The following SPIDR variants were observed in gnomAD, a reference collection of about 807,000 sequenced individuals.
SPIDR encodes DNA repair-scaffolding protein.
SPIDR carries 93 observed loss-of-function variants against 104.6 expected under a neutral mutation model. The observed-to-expected ratio is 0.89, with a 90% CI of 0.75 to 1.06. The LOEUF is 1.06. SPIDR is among the 50% of genes least tolerant of loss of function. The pLI is 0.00. For missense variants in SPIDR, 1,154 were observed against 1,111.2 expected (o/e 1.04, Z -0.55); for synonymous variants, 431 against 416.9 (o/e 1.03, Z -0.41).
Position 47,735,529 on chromosome 8 carries a change from G to C in SPIDR, c.*79G>C. 2 of 1,604,044 alleles carry C rather than the reference G, an allele frequency of 1.2e-6. No individual in the cohort carries two copies. Among genetic ancestry groups the C allele is most frequent in the Non-Finnish European group, 1.7e-6 (2 of 1,174,988 alleles). On this transcript the variant is annotated 3_prime_UTR_variant, in exon 20 of 20. Transcript: ENST00000297423. ...TGGTGGTGATTTGGGGTAGTTATTT[G>C]TTAACTATGGACACAGTGAACGTAG...
chr8:47,359,326 C>G (rs2055255141), intron 5 of SPIDR, among the ~76,000 whole-genome samples: 1 of 151,316 alleles, frequency 6.6e-6, no homozygotes, highest in Non-Finnish European at 1.5e-5. Context: ...TTGGCACATT[C>G]GATGAAAGTT....
intron 8 of SPIDR, among the ~76,000 whole-genome samples, chr8:47,572,209 A>G (rs1294972189): frequency 6.6e-6 from 1 of 152,202 alleles, no homozygotes; most frequent in Admixed American, 6.5e-5. Flanking sequence ...GTTTATTTTG[A>G]TAAAGGTAAC....
intron 5 of SPIDR, among the ~76,000 whole-genome samples, chr8:47,377,465 C>G (rs1195940510): frequency 6.6e-6 from 1 of 152,174 alleles, no homozygotes; most frequent in Non-Finnish European, 1.5e-5. Context: ...GCACAAGCCT[C>G]CAAGTGTCCA....
intron 1 of SPIDR, among the ~76,000 whole-genome samples, chr8:47,274,399 A>C (rs2035945338): frequency 6.6e-6 from 1 of 152,152 alleles, no homozygotes; most frequent in Non-Finnish European, 1.5e-5. Context: ...TACTAGTCAG[A>C]TAAGATGTCT....
chr8:47,362,653 T>G (rs972371553), intron 5 of SPIDR, among the ~76,000 whole-genome samples: 1 of 146,508 alleles, frequency 6.8e-6, no homozygotes, highest in Admixed American at 6.7e-5. Context: ...TTTGTTGGTT[T>G]GTTTTGTTTT....
At chr8:47,664,738 C>T (rs1359196583) in intron 10 of SPIDR, among the ~76,000 whole-genome samples, 1 of 103,544 alleles carries the variant, frequency 9.7e-6, no homozygotes, top group African/African-American at 3.3e-5. Context: ...AAAACCCCAT[C>T]TCTACAAAAA....
chr8:47,275,271 A>G (rs1443687137), intron 1 of SPIDR, among the ~76,000 whole-genome samples: 1 of 152,096 alleles, frequency 6.6e-6, no homozygotes. Flanking sequence ...AAAAAAAAGA[A>G]AAAAGAAAAT....
intron 5 of SPIDR, among the ~76,000 whole-genome samples, chr8:47,376,191 G>T (rs2058647102): frequency 6.6e-6 from 1 of 152,184 alleles, no homozygotes; most frequent in East Asian, 1.9e-4. Flanking sequence ...AGAGCAAAAA[G>T]ATTATTTATT....
intron 8 of SPIDR, among the ~76,000 whole-genome samples, chr8:47,587,803 TAA>T (rs150378782): frequency 6.8e-6 from 1 of 146,404 alleles, no homozygotes; most frequent in Non-Finnish European, 1.5e-5. Flanking sequence ...GAGATCAATT[TAA>T]AAAAAAAATC....
chr8:47,710,266 TTTGTTCATAACCCCAATAG>T (rs1290093018), intron 14 of SPIDR, among the ~76,000 whole-genome samples: 1 of 152,180 alleles, frequency 6.6e-6, no homozygotes, highest in East Asian at 1.9e-4. Flanking sequence ...TGTTACTGAC[TTTGTTCATAACCCCAATAG>T]TAGAGATAAT....
At chr8:47,531,503 T>C (rs1204699320) in intron 8 of SPIDR, among the ~76,000 whole-genome samples, 1 of 152,252 alleles carries the variant, frequency 6.6e-6, no homozygotes, top group Non-Finnish European at 1.5e-5. Context: ...AAGCAGAGAA[T>C]ACACCGTGAA....
chr8:47,685,905 C>G (rs534734385), intron 11 of SPIDR, among the ~76,000 whole-genome samples: 1 of 151,634 alleles, frequency 6.6e-6, no homozygotes, highest in South Asian at 2.1e-4. Flanking sequence ...ACCTGTAATC[C>G]CAGCACTTTG....
intron 5 of SPIDR, among the ~76,000 whole-genome samples, chr8:47,299,998 A>G (rs2041742626): frequency 1.3e-5 from 2 of 152,098 alleles, no homozygotes; most frequent in African/African-American, 2.4e-5. Flanking sequence ...CTCTTTTTCT[A>G]TTCATTGGAA....
intron 10 of SPIDR, among the ~76,000 whole-genome samples, chr8:47,636,876 C>G (rs2154445111): frequency 6.6e-6 from 1 of 151,348 alleles, no homozygotes; most frequent in Non-Finnish European, 1.5e-5. Context: ...TTACTAGTGA[C>G]AGAACAGTAA....
chr8:47,572,671 T>A (rs889579757), intron 8 of SPIDR, among the ~76,000 whole-genome samples: 3 of 63,368 alleles, frequency 4.7e-5, no homozygotes, highest in East Asian at 8.1e-4. Context: ...CAAAATTAAA[T>A]TAAAATAAAT....
At chr8:47,565,068 G>A (rs753328123) in intron 8 of SPIDR, among the ~76,000 whole-genome samples, 1 of 151,984 alleles carries the variant, frequency 6.6e-6, no homozygotes, top group Non-Finnish European at 1.5e-5. Flanking sequence ...CCAACATGGA[G>A]AAACCCCATC....
intron 11 of SPIDR, among the ~76,000 whole-genome samples, chr8:47,696,489 T>C (rs962997837): frequency 1.3e-5 from 2 of 152,238 alleles, no homozygotes; most frequent in Non-Finnish European, 2.9e-5. Context: ...TTAAAGTTAA[T>C]GGCTCTGTCT....
rs573469652 is a variant in SPIDR at position 47,381,151 on chromosome 8, A to G, written c.526-15225A>G. 9.8e-5 allele frequency among the ~76,000 whole-genome samples: 15 copies of G among 152,302 alleles called. No homozygotes were observed. The South Asian group carries it at 2.9e-3, about 29-fold the overall frequency. On this transcript the variant is annotated intron_variant, in intron 5 of 19. Coordinates refer to ENST00000297423, the MANE Select transcript of SPIDR (RefSeq NM_001080394.4). The stretch of plus-strand genomic sequence containing the variant: ...GCACTGGGGTAATAGACCTGTGGAT[A>G]AAGACTTTGGGTCCCTCCCTCCTTC...
intron 16 of SPIDR, among the ~76,000 whole-genome samples, chr8:47,715,968 T>C (rs1017540947): frequency 2.0e-5 from 3 of 148,486 alleles, no homozygotes; most frequent in Non-Finnish European, 3.0e-5. Flanking sequence ...TTTTTTCTTT[T>C]TTTTTTTTTT....
Sources: allele counts gnomAD v4.1 joint callset (sites outside exome capture counted in the v4.1 genomes callset), GRCh38; gene constraint gnomAD v4.1.1; transcripts MANE v1.5; gene names NCBI Gene and HGNC (gene_info 2026-07-23, HGNC 2026-07-21).